The following APC variants were observed in gnomAD, a reference collection of about 807,000 sequenced individuals.
APC encodes the protein adenomatous polyposis coli protein.
A neutral mutation model predicts 247.0 loss-of-function variants in APC; 72 were observed. That is an observed-to-expected ratio of 0.29 (90% CI 0.24 to 0.35). The LOEUF (loss-of-function observed/expected upper bound fraction) is 0.35. APC is among the 10% of genes least tolerant of loss of function. APC has a pLI of 1.00. For synonymous variants in APC, 1,254 were observed against 1,162.5 expected (o/e 1.08, Z -1.60); for missense variants, 3,400 against 3,360.7 (o/e 1.01, Z -0.29).
At chr5:112,772,516 CTTTTTTT>C (rs35444319) in intron 4 of APC, among the ~76,000 whole-genome samples, 5 of 138,300 alleles carry the variant, frequency 3.6e-5, no homozygotes, top group Non-Finnish European at 6.3e-5. Flanking sequence ...ATGCCCAGCT[CTTTTTTT>C]TTTTTTTTTT....
chr5:112,725,561 C>T (rs970877692), intron 1 of APC, among the ~76,000 whole-genome samples: 1 of 151,278 alleles, frequency 6.6e-6, no homozygotes, highest in Non-Finnish European at 1.5e-5. Context: ...TGAGACCAGC[C>T]GGGGCAACAT....
At chr5:112,765,523 C>G (rs1033240447) in intron 2 of APC, among the ~76,000 whole-genome samples, 1 of 152,156 alleles carries the variant, frequency 6.6e-6, no homozygotes, top group Non-Finnish European at 1.5e-5. Flanking sequence ...TATAGGGGAA[C>G]GTTCCATTTA....
chr5:112,766,724 C>A (rs1255623842), intron 3 of APC, among the ~76,000 whole-genome samples: 1 of 152,102 alleles, frequency 6.6e-6, no homozygotes, highest in African/African-American at 2.4e-5. Context: ...TTCTATATGC[C>A]ATAGACTTGA....
chr5:112,739,351 C>T (rs1455593818), intron 1 of APC, among the ~76,000 whole-genome samples: 1 of 152,104 alleles, frequency 6.6e-6, no homozygotes, highest in Non-Finnish European at 1.5e-5. Context: ...GTAAAGCCCT[C>T]CAGGGTCAGT....
chr5:112,801,308 C>T lies in APC; in HGVS notation c.759C>T (p.Gly253=), dbSNP rs746850663. The change falls in exon 8 of 16, where the codon GGC becomes GGT. Residue 253 remains glycine (G), a synonymous_variant. Transcript: ENST00000257430. ...CATCTCAGAACAAGCATGAAACCGG[C>T]TCACATGATGCTGAGCGGCAGAATG... The part of the protein sequence containing the change: ...ERSSQNKHET[G]SHDAERQNEG... The T allele has an allele frequency of 5.0e-6, 8 of 1,613,028 alleles. No homozygotes were observed. The highest frequency in any genetic ancestry group is 6.8e-6 in the Non-Finnish European group (8 of 1,179,248).
rs533469002 is a variant in APC, at chr5:112,840,917, C to G, written c.5323C>G (p.Pro1775Ala). 1 of 1,613,802 alleles carries G rather than the reference C, an allele frequency of 6.2e-7. No homozygotes were observed. Among genetic ancestry groups the G allele is most frequent in the South Asian group, 1.1e-5 (1 of 91,078 alleles). ...TGGTAAGAAAAAGAAACCAACTTCA[C>G]CAGTAAAACCTATACCACAAAATAC... is the stretch of plus-strand genomic sequence containing the variant. ...LDGKKKKPTS[P>A]VKPIPQNTEY... Residue 1775 changes from proline (P) to alanine (A), a missense_variant, in exon 16 of 16, where the codon CCA becomes GCA. By Grantham distance (27) the Pro-to-Ala change is conservative. Around this residue, in one of 9 missense-constraint regions of APC, gnomAD observed 1,788 missense variants for 1,649.5 expected, o/e 1.08. Coordinates refer to ENST00000257430, the MANE Select transcript of APC (RefSeq NM_000038.6). This position sits in a 1 kb window ranked among gnomAD's most constrained non-coding sequence, Gnocchi z 4.1.
intron 6 of APC, among the ~76,000 whole-genome samples, chr5:112,784,924 G>A (rs1283219058): frequency 6.6e-6 from 1 of 152,082 alleles, no homozygotes; most frequent in Non-Finnish European, 1.5e-5. Flanking sequence ...TAGCAGTAGT[G>A]TTGGCACACA....
chr5:112,807,838 C>T (rs1214962704), intron 8 of APC, among the ~76,000 whole-genome samples: 3 of 152,058 alleles, frequency 2.0e-5, no homozygotes, highest in African/African-American at 4.8e-5. Flanking sequence ...TGTGTATTTA[C>T]AAAAGATAAA....
At chr5:112,725,383 A>C (rs144801971) in intron 1 of APC, among the ~76,000 whole-genome samples, 1,582 of 152,290 alleles carry the variant, frequency 0.01, 28 homozygotes, top group African/African-American at 0.036. Flanking sequence ...CCCCAGAGGA[A>C]GTCACTGTTG....
At chr5:112,719,133 A>T (rs2149653033) in intron 1 of APC, among the ~76,000 whole-genome samples, 1 of 152,222 alleles carries the variant, frequency 6.6e-6, no homozygotes, top group East Asian at 1.9e-4. Flanking sequence ...AGAATGTACT[A>T]AACTGAGGAG....
At chr5:112,794,511 A>G (rs1050708409) in intron 7 of APC, among the ~76,000 whole-genome samples, 2 of 152,170 alleles carry the variant, frequency 1.3e-5, no homozygotes, top group Admixed American at 1.3e-4. Context: ...TCCACAAGTA[A>G]AAGACAAAGT....
At chr5:112,735,500 C>CATATATAT (rs3884086), upstream of APC, among the ~76,000 whole-genome samples, 2,409 of 146,614 alleles carry the variant, frequency 0.016, 33 homozygotes, top group East Asian at 0.042. Context: ...TTAATGCATA[C>CATATATAT]ATATATATAT....
chr5:112,744,213 A>G (rs1283858042), intron 1 of APC, among the ~76,000 whole-genome samples: 1 of 152,154 alleles, frequency 6.6e-6, no homozygotes, highest in Non-Finnish European at 1.5e-5. Context: ...CTTGTGAATA[A>G]TAAGATACCT....
intron 2 of APC, among the ~76,000 whole-genome samples, chr5:112,757,511 T>C (rs1042997010): frequency 3.3e-5 from 5 of 152,054 alleles, no homozygotes; most frequent in Admixed American, 3.3e-4. Context: ...AGCAGAAAGA[T>C]TGTTTGAGCT....
At chr5:112,821,543 A>G (rs1382406811) in intron 10 of APC, among the ~76,000 whole-genome samples, 1 of 152,000 alleles carries the variant, frequency 6.6e-6, no homozygotes, top group African/African-American at 2.4e-5. Flanking sequence ...GAAAGAAATT[A>G]TAAACAAAAT....
rs1561583244 is a variant in APC, at chr5:112,838,837, C to T, written c.3243C>T (p.Ser1081=). The T allele has an allele frequency of 6.2e-7, 1 of 1,614,110 alleles. No homozygotes were observed. Among genetic ancestry groups the T allele is most frequent in the Non-Finnish European group, 8.5e-7 (1 of 1,180,014 alleles). ...CAACTTATCCTGTTTATACTGAGAG[C>T]ACTGATGATAAACACCTCAAGTTCC... is the stretch of plus-strand genomic sequence containing the variant. ...QSTTYPVYTE[S]TDDKHLKFQP... The change falls in exon 16 of 16, where the codon AGC becomes AGT. Residue 1081 remains serine (S), a synonymous_variant. Coordinates refer to ENST00000257430, the MANE Select transcript of APC (RefSeq NM_000038.6).
upstream of APC, among the ~76,000 whole-genome samples, chr5:112,735,175 C>A (rs1286563387): frequency 2.0e-5 from 3 of 151,692 alleles, no homozygotes; most frequent in Non-Finnish European, 4.4e-5. Context: ...TCATTTTGAT[C>A]AGAAAAAATA....
intron 1 of APC, among the ~76,000 whole-genome samples, chr5:112,732,046 G>A (rs1276689848): frequency 6.6e-6 from 1 of 152,226 alleles, no homozygotes; most frequent in African/African-American, 2.4e-5. Context: ...ACAGGCATGA[G>A]CCATTGCACA....
chr5:112,728,405 T>G (rs1253687459), intron 1 of APC, among the ~76,000 whole-genome samples: 2 of 152,212 alleles, frequency 1.3e-5, no homozygotes, highest in African/African-American at 4.8e-5. Context: ...GTGCTGGGAA[T>G]ACAGGCGTGA....
Sources: allele counts gnomAD v4.1 joint callset (sites outside exome capture counted in the v4.1 genomes callset), GRCh38; gene constraint gnomAD v4.1.1; regional missense constraint gnomAD v4.1.1; non-coding constraint Gnocchi (gnomAD v3.1); transcripts MANE v1.5; gene names NCBI Gene and HGNC (gene_info 2026-07-23, HGNC 2026-07-21).